ARHGAP45: variants seen among roughly 807,000 people sequenced by gnomAD.
The protein encoded by ARHGAP45 is rho GTPase-activating protein 45.
In ARHGAP45, 56 loss-of-function variants were observed where a neutral mutation model predicts 116.1. The observed-to-expected ratio is 0.48, with a 90% CI of 0.39 to 0.60. The LOEUF (loss-of-function observed/expected upper bound fraction) is 0.60. Ranked by LOEUF, ARHGAP45 falls within the 20% of genes least tolerant of loss-of-function variation. ARHGAP45 has a pLI of 0.00. For missense variants in ARHGAP45, 1,622 were observed against 1,601.0 expected, an observed-to-expected ratio of 1.01 and a Z score of -0.22; for synonymous variants, 866 against 701.7, an observed-to-expected ratio of 1.23 and a Z score of -3.70.
rs1187304257 is a variant in ARHGAP45, at chr19:1,083,304, A to G, written c.2906A>G (p.His969Arg). ...QARVIETLIV[H>R]YGLVFEEEPE... ...CGCGTCATCGAGACTCTCATCGTCC[A>G]CTACGGCCTGGTCTTCGAGGAGGAG... Residue 969 changes from histidine (H) to arginine (R), a missense_variant, in exon 21 of 23, where the codon CAC becomes CGC. Around this residue, in one of 3 missense-constraint regions of ARHGAP45, gnomAD observed 1,334 missense variants for 1,263.8 expected, o/e 1.06. Transcript: ENST00000313093. The G allele has an allele frequency of 5.1e-6, 8 of 1,576,522 alleles. No individual in the cohort carries two copies. In the South Asian group the frequency reaches 8.1e-5, roughly 16 times the overall value.
Position 1,083,291 on chromosome 19 carries a change from A to G in ARHGAP45, c.2893A>G (p.Thr965Ala), listed in dbSNP as rs753572994. Reference protein sequence around the residue: ...DYPHQARVIETLIVHYGLVFE... With the variant: ...DYPHQARVIEALIVHYGLVFE... ...TCCCCATCAGGCCCGCGTCATCGAGACTCTCATCGTCCACTACGGCCTGGT... is the reference window on the plus strand; with the variant it reads ...TCCCCATCAGGCCCGCGTCATCGAGGCTCTCATCGTCCACTACGGCCTGGT... Residue 965 changes from threonine to alanine, a missense_variant, in exon 21 of 23, where the codon ACT (threonine) becomes GCT (alanine). Around this residue, in one of 3 missense-constraint regions of ARHGAP45, gnomAD observed 1,334 missense variants for 1,263.8 expected, o/e 1.06. Transcript: ENST00000313093. 6.3e-7 allele frequency: 1 copy of G among 1,583,846 alleles called. No individual in the cohort carries two copies. Among genetic ancestry groups the G allele is most frequent in the Non-Finnish European group, 8.6e-7 (1 of 1,165,074 alleles).
intron 8 of ARHGAP45, 86 bp downstream of exon 8, chr19:1,074,493 A>T: frequency 7.1e-7 from 1 of 1,410,678 alleles, no homozygotes; most frequent in Middle Eastern, 2.5e-4. Context: ...GACCAAGAGC[A>T]GGGGCTTCCC....
At chr19:1,082,623 G>C in intron 19 of ARHGAP45, 2 of 550,456 alleles carry the variant, frequency 3.6e-6, no homozygotes, top group Non-Finnish European at 3.2e-6. Flanking sequence ...CGTGGCCAGA[G>C]CGAGAAAGGG....
At chr19:1,073,032 T>C (rs2043168934) in intron 2 of ARHGAP45, 117 bp from the exon 3 acceptor site, 1 of 1,267,284 alleles carries the variant, frequency 7.9e-7, no homozygotes, top group African/African-American at 1.5e-5. Flanking sequence ...TCTGCCGTCT[T>C]CCACCTCTGC....
chr19:1,085,072 ACT>A (rs760003301), intron 22 of ARHGAP45, among the ~76,000 whole-genome samples: 5 of 152,084 alleles, frequency 3.3e-5, no homozygotes, highest in East Asian at 1.9e-4. Flanking sequence ...AGAGAGAGAG[ACT>A]CTGTCTCAAA....
At chr19:1,081,287 G>A in intron 17 of ARHGAP45, 2 of 649,846 alleles carry the variant, frequency 3.1e-6, no homozygotes, top group Non-Finnish European at 5.2e-6. Context: ...GGAGGGTGAA[G>A]AGTCCTGGGG....
chr19:1,074,040 G>T (rs751465509), intron 6 of ARHGAP45, 26 bp downstream of exon 6: 53 of 1,600,764 alleles, frequency 3.3e-5, no homozygotes, highest in Middle Eastern at 1.7e-4. Flanking sequence ...GCGGCAGGCA[G>T]GCATTTGAGG....
intron 10 of ARHGAP45, chr19:1,077,246 G>A (rs930608129): frequency 1.0e-5 from 10 of 985,298 alleles, no homozygotes; most frequent in African/African-American, 3.5e-5. Flanking sequence ...GCTGGTGTGC[G>A]TGTCTGCAGA....
At chr19:1,082,076 A>G in intron 19 of ARHGAP45, 115 bp downstream of exon 19, 1 of 886,222 alleles carries the variant, frequency 1.1e-6, no homozygotes, top group South Asian at 1.7e-5. Flanking sequence ...GGACTGGCGC[A>G]AGCGGGGGCC....
At position 1,085,730 on chromosome 19, in the gene ARHGAP45, G is replaced by A. The variant is rs756971258; in HGVS notation, c.3135G>A (p.Glu1045=). 3 of 1,611,114 alleles carry A rather than the reference G, an allele frequency of 1.9e-6. No homozygotes were observed. Among genetic ancestry groups the A allele is most frequent in the South Asian group, 1.1e-5 (1 of 90,886 alleles). The change falls in exon 23 of 23, where the codon GAG becomes GAA. Residue 1045 remains glutamate, a synonymous_variant. Transcript: ENST00000313093. ...CCTCCGAGCTGCTGTCCTCATCGGA[G>A]GCCAGTGCCCTGGGCCACCTCAGCT... ...EEASELLSSS[E]ASALGHLSFL...
Position 1,081,052 on chromosome 19 carries a change from TGA to T in ARHGAP45, c.2180_2181del (p.Glu727ValfsTer2). ...ACAGCTACGTCTACTTCCAGGGTGC[TGA>T]GTGTGAAGAGGTGAGTGGGACGCCC... ...CNSYVYFQGA[E>X]CEECCLACHK... On this transcript the variant is annotated frameshift_variant, in exon 17 of 23. Transcript: ENST00000313093. LOFTEE classifies it high-confidence loss of function. 1 of 1,607,218 alleles carries T rather than the reference TGA, an allele frequency of 6.2e-7. No homozygotes were observed. The highest frequency in any genetic ancestry group is 8.5e-7 in the Non-Finnish European group (1 of 1,177,994).
At position 1,086,165 on chromosome 19, in the gene ARHGAP45, A is replaced by G. The variant is rs904149006; in HGVS notation, c.*159A>G. On this transcript the variant is annotated 3_prime_UTR_variant, in exon 23 of 23. Transcript: ENST00000313093. Reference sequence around the variant, plus strand: ...CCCACCAGCGGGCGCCTCCTCCCAGAGGCTTCCAGGAGCACGAGGGCCTTG... The same window carrying G: ...CCCACCAGCGGGCGCCTCCTCCCAGGGGCTTCCAGGAGCACGAGGGCCTTG... 3.1e-6 allele frequency: 2 copies of G among 645,054 alleles called. No homozygotes were observed. Among genetic ancestry groups the G allele is most frequent in the Admixed American group, 2.9e-5 (1 of 34,554 alleles). 40.0% of individuals were successfully genotyped at this position (645,054 alleles called of 1,614,324 possible).
At chr19:1,067,106 G>T, upstream of ARHGAP45, 1 of 1,035,830 alleles carries the variant, frequency 9.7e-7, no homozygotes, top group East Asian at 5.3e-5. Context: ...GCTCCCGAAG[G>T]CGGAAGCGGG....
chr19:1,084,440 G>C, intron 22 of ARHGAP45, 94 bp downstream of exon 22: 1 of 913,596 alleles, frequency 1.1e-6, no homozygotes, highest in Middle Eastern at 3.4e-4. Flanking sequence ...CACGTGGCAG[G>C]GTCCACGGTG....
chr19:1,078,214 G>T (rs1315484069), intron 11 of ARHGAP45, among the ~76,000 whole-genome samples, 169 bp downstream of exon 11: 2 of 150,998 alleles, frequency 1.3e-5, no homozygotes, highest in South Asian at 2.1e-4. Context: ...CACAGTCTCG[G>T]CTCACTGCAA....
rs71174343 is a variant in ARHGAP45 at position 1,076,483 on chromosome 19, C to CTTTTTTTTTTTTTTTTT, written c.1186-1360_1186-1344dup. On this transcript the variant is annotated intron_variant, in intron 10 of 22. Coordinates refer to ENST00000313093, the MANE Select transcript of ARHGAP45 (RefSeq NM_012292.5). ...GAAACCTGTGATTGTTGGCAGTAGT[C>CTTTTTTTTTTTTTTTTT]TTTTTTTTTTTTTTTTTTTTTTTTT... is the stretch of plus-strand genomic sequence containing the variant. Among the ~76,000 whole-genome samples the CTTTTTTTTTTTTTTTTT allele has an allele frequency of 1.7e-4, 11 of 64,982 alleles. 2 individuals are homozygous for CTTTTTTTTTTTTTTTTT. The highest frequency in any genetic ancestry group is 5.9e-4 in the African/African-American group (10 of 16,966). The allele number at this position is 64,982 out of a possible 152,430, so 42.6% of individuals were successfully genotyped here.
rs2043643187 is a variant in ARHGAP45 at position 1,086,176 on chromosome 19, AGCACGAGG to A, written c.*173_*180del. Reference sequence around the variant, plus strand: ...GCGCCTCCTCCCAGAGGCTTCCAGGAGCACGAGGGCCTTGCGGCACAGGACTGTGCCCT... The same window carrying A: ...GCGCCTCCTCCCAGAGGCTTCCAGGAGCCTTGCGGCACAGGACTGTGCCCT... On this transcript the variant is annotated 3_prime_UTR_variant, in exon 23 of 23. Transcript: ENST00000313093. 3.2e-6 allele frequency: 2 copies of A among 619,992 alleles called. No homozygotes were observed. The highest frequency in any genetic ancestry group is 1.8e-5 in the African/African-American group (1 of 54,252). 38.4% of individuals were successfully genotyped at this position (619,992 alleles called of 1,614,324 possible). A position where few individuals can be genotyped will look rare whatever the true frequency, so the allele number is the denominator to read the frequency against.
Position 1,083,321 on chromosome 19 carries a change from G to A in ARHGAP45, c.2923G>A (p.Glu975Lys), listed in dbSNP as rs750967298. 82 of 1,562,886 alleles carry A rather than the reference G, an allele frequency of 5.2e-5. 2 individuals are homozygous for A. The South Asian group carries it at 7.4e-4, about 14-fold the overall frequency. Residue 975 changes from glutamate (E) to lysine (K), a missense_variant, in exon 21 of 23, where the codon GAG (glutamate) becomes AAG (lysine). Physicochemically the swap from Glu to Lys is moderately conservative, Grantham distance 56. Around this residue, in one of 3 missense-constraint regions of ARHGAP45, gnomAD observed 1,334 missense variants for 1,263.8 expected, o/e 1.06. Transcript: ENST00000313093. ...TLIVHYGLVF[E>K]EEPEETPGGQ... ...CATCGTCCACTACGGCCTGGTCTTC[G>A]AGGAGGAGCCGGAGGAGACCCCCGG...
intron 1 of ARHGAP45, 94 bp downstream of exon 1, chr19:1,067,589 TGGGGGCTC>T: frequency 1.7e-6 from 2 of 1,204,090 alleles, no homozygotes; most frequent in Non-Finnish European, 2.4e-6. Flanking sequence ...GGGCGGCGGC[TGGGGGCTC>T]GTGCCAGCTA....
Sources: allele counts gnomAD v4.1 joint callset (sites outside exome capture counted in the v4.1 genomes callset), GRCh38; gene constraint gnomAD v4.1.1; regional missense constraint gnomAD v4.1.1; transcripts MANE v1.5; gene names NCBI Gene and HGNC (gene_info 2026-07-23, HGNC 2026-07-21).